Variants in KLHL29 observed in about 807,000 individuals in gnomAD.
KLHL29 encodes the protein kelch like family member 29, also known as kelch-like protein 29.
KLHL29 carries 21 observed loss-of-function variants against 80.4 expected under a neutral mutation model. The ratio of observed to expected loss-of-function variants is 0.26; its 90% CI spans 0.19 to 0.38. The LOEUF is 0.38. KLHL29 is among the 10% of genes least tolerant of loss of function. KLHL29 has a pLI of 1.00. For synonymous variants in KLHL29, 511 were observed against 526.8 expected (o/e 0.97, Z 0.41); for missense variants, 867 against 1,223.9 (o/e 0.71, Z 4.35).
Position 23,691,752 on chromosome 2 carries a change from G to A in KLHL29, c.1158G>A (p.Glu386=). The A allele has an allele frequency of 6.4e-7, 1 of 1,551,796 alleles. No individual in the cohort carries two copies. The highest frequency in any genetic ancestry group is 8.7e-7 in the Non-Finnish European group (1 of 1,147,028). The change falls in exon 7 of 14, where the codon GAG becomes GAA. Residue 386 remains glutamate, a synonymous_variant. Transcript: ENST00000486442. ...CGAACCTGCAGGCAGACGTCCTGGA[G>A]TTGCTGCTGGAGTTTGTCTACACGG... The part of the protein sequence containing the change: ...VLSNLQADVL[E]LLLEFVYTGS...
intron 3 of KLHL29, among the ~76,000 whole-genome samples, chr2:23,614,375 A>C (rs1461926919): frequency 1.3e-5 from 2 of 152,218 alleles, no homozygotes; most frequent in African/African-American, 4.8e-5. Flanking sequence ...CAGATACCCA[A>C]AGGGTTCACA....
At chr2:23,397,352 A>G (rs143680611) in intron 1 of KLHL29, among the ~76,000 whole-genome samples, 4 of 152,322 alleles carry the variant, frequency 2.6e-5, no homozygotes, top group Non-Finnish European at 5.9e-5. Context: ...CAGGTTTTAA[A>G]ATTTAAAGCT....
chr2:23,692,935 C>T (rs562706745), intron 7 of KLHL29, among the ~76,000 whole-genome samples: 1 of 152,282 alleles, frequency 6.6e-6, no homozygotes, highest in African/African-American at 2.4e-5. Flanking sequence ...TCAACCTCAG[C>T]GACAGTGTGA....
chr2:23,657,696 C>T (rs1670284158), intron 5 of KLHL29, among the ~76,000 whole-genome samples: 1 of 152,198 alleles, frequency 6.6e-6, no homozygotes, highest in African/African-American at 2.4e-5. Flanking sequence ...GTTGGGACTC[C>T]CTGAGAGAGT....
chr2:23,408,691 C>G (rs765358345), intron 1 of KLHL29, among the ~76,000 whole-genome samples: 3 of 152,164 alleles, frequency 2.0e-5, no homozygotes, highest in Non-Finnish European at 1.5e-5. Flanking sequence ...GGCCTTCAAA[C>G]ATGTTGAATA....
intron 5 of KLHL29, chr2:23,643,674 G>C (rs1183467086): frequency 6.6e-6 from 1 of 152,660 alleles, no homozygotes; most frequent in African/African-American, 2.4e-5. Flanking sequence ...ACACATATGA[G>C]GCTTGCTGGA....
chr2:23,678,055 T>C (rs1670971288), intron 5 of KLHL29, among the ~76,000 whole-genome samples: 1 of 152,220 alleles, frequency 6.6e-6, no homozygotes, highest in Admixed American at 6.5e-5. Flanking sequence ...TCTTCCTCTT[T>C]ATTACCATCT....
In KLHL29 at chr2:23,472,856, A is replaced by G. The variant is rs575347651; in HGVS notation, c.-153-2704A>G. Among the ~76,000 whole-genome samples the G allele has an allele frequency of 2.0e-5, 3 of 152,342 alleles. No homozygotes were observed. The South Asian group carries it at 6.2e-4, about 32-fold the overall frequency. On this transcript the variant is annotated intron_variant, in intron 1 of 13. Transcript: ENST00000486442. ...TTCTAATTCAGATGTATCTGATTCC[A>G]GGGTCTTGCTTTTAACCCTCTCTGT...
chr2:23,545,354 C>G (rs1301288252), intron 2 of KLHL29, among the ~76,000 whole-genome samples: 2 of 152,250 alleles, frequency 1.3e-5, no homozygotes, highest in East Asian at 1.9e-4. Context: ...TCAGTTTCCC[C>G]TTCTATAAAG....
At chr2:23,517,732 C>T (rs769253576) in intron 2 of KLHL29, among the ~76,000 whole-genome samples, 2 of 152,210 alleles carry the variant, frequency 1.3e-5, no homozygotes, top group Non-Finnish European at 2.9e-5. Flanking sequence ...GAATGGATGG[C>T]TGCCCAGGGT....
At position 23,524,106 on chromosome 2, in the gene KLHL29, G is replaced by A. The variant is rs978923767; in HGVS notation, c.-45-38046G>A. ...TTTCTCCCCATGACACCTCAGTGTC[G>A]TAGGTAGCGGAGATGCAAGTGTTCC... is the stretch of plus-strand genomic sequence containing the variant. On this transcript the variant is annotated intron_variant, in intron 2 of 13. Coordinates refer to ENST00000486442, the MANE Select transcript of KLHL29 (RefSeq NM_052920.2). The A allele has an allele frequency of 3.9e-5, 18 of 458,986 alleles. No homozygotes were observed. In the East Asian group the frequency reaches 4.2e-4, roughly 11 times the overall value. 28.4% of individuals were successfully genotyped at this position (458,986 alleles called of 1,614,324 possible). A position where few individuals can be genotyped will look rare whatever the true frequency, so the allele number is the denominator to read the frequency against.
At chr2:23,590,699 A>G (rs954769615) in intron 3 of KLHL29, among the ~76,000 whole-genome samples, 20 of 152,130 alleles carry the variant, frequency 1.3e-4, no homozygotes, top group Non-Finnish European at 2.5e-4. Flanking sequence ...ACCTAGAACC[A>G]GGGTCCCTAG....
chr2:23,519,040 G>A lies in KLHL29; in HGVS notation c.-45-43112G>A, dbSNP rs11887500. Among the ~76,000 whole-genome samples the A allele has an allele frequency of 6.3e-3, 957 of 152,286 alleles. 8 individuals are homozygous for A. The highest frequency in any genetic ancestry group is 0.021 in the African/African-American group (890 of 41,556). On this transcript the variant is annotated intron_variant, in intron 2 of 13. Coordinates refer to ENST00000486442, the MANE Select transcript of KLHL29 (RefSeq NM_052920.2). ...TGGGCTGCCAGGCGGCATGTGGAGA[G>A]CCCACTTCTCTCCTCTCTGGGAGTC...
intron 2 of KLHL29, among the ~76,000 whole-genome samples, chr2:23,561,271 A>G (rs1306299019): frequency 6.6e-6 from 1 of 152,180 alleles, no homozygotes; most frequent in Non-Finnish European, 1.5e-5. Context: ...TGGGCAGGGA[A>G]CCAGGCAAGT....
At chr2:23,606,848 A>G (rs1668740635) in intron 3 of KLHL29, among the ~76,000 whole-genome samples, 1 of 152,190 alleles carries the variant, frequency 6.6e-6, no homozygotes, top group African/African-American at 2.4e-5. Flanking sequence ...CTGCCATAAC[A>G]AAATACTGTA....
In KLHL29 at chr2:23,706,514, T is replaced by C; in HGVS notation, c.2478T>C (p.Thr826=). Residue 826 remains threonine, a synonymous_variant, in exon 14 of 14, where the codon ACT becomes ACC. Transcript: ENST00000486442. ...AVVLDGKIYA[T]GGIVSSEGPA... ...TGCTTGATGGCAAGATTTATGCAACTGGAGGTATTGTCAGCAGTGAAGGGC... is the reference window on the plus strand; with the variant it reads ...TGCTTGATGGCAAGATTTATGCAACCGGAGGTATTGTCAGCAGTGAAGGGC... The C allele has an allele frequency of 6.5e-7, 1 of 1,534,662 alleles. No homozygotes were observed. Among genetic ancestry groups the C allele is most frequent in the Non-Finnish European group, 8.7e-7 (1 of 1,145,626 alleles).
intron 1 of KLHL29, among the ~76,000 whole-genome samples, chr2:23,391,337 C>T (rs566761513): frequency 6.6e-6 from 1 of 152,202 alleles, no homozygotes; most frequent in Non-Finnish European, 1.5e-5. Context: ...GTTGTAGCTA[C>T]TGAGAATAAC....
At position 23,457,031 on chromosome 2, in the gene KLHL29, G is replaced by A. The variant is rs1437902561; in HGVS notation, c.-153-18529G>A. ...CGGCATCTCAGGTGTCAGGGCCGGA[G>A]CAGCAGAGGTCGAGGCCTTCCGAGG... On this transcript the variant is annotated intron_variant, in intron 1 of 13. Transcript: ENST00000486442. The surrounding 1 kb of genome is among the most constrained non-coding windows in gnomAD (Gnocchi z 4.3). Among the ~76,000 whole-genome samples the A allele has an allele frequency of 6.6e-6, 1 of 152,230 alleles. No homozygotes were observed. Among genetic ancestry groups the A allele is most frequent in the Non-Finnish European group, 1.5e-5 (1 of 68,036 alleles).
chr2:23,459,617 C>G (rs929162773), intron 1 of KLHL29, among the ~76,000 whole-genome samples: 1 of 152,216 alleles, frequency 6.6e-6, no homozygotes, highest in Non-Finnish European at 1.5e-5. Context: ...GCAAGACTTG[C>G]ATTCAGCCTG....
Sources: allele counts gnomAD v4.1 joint callset (sites outside exome capture counted in the v4.1 genomes callset), GRCh38; gene constraint gnomAD v4.1.1; non-coding constraint Gnocchi (gnomAD v3.1); transcripts MANE v1.5; gene names NCBI Gene and HGNC (gene_info 2026-07-23, HGNC 2026-07-21).